Variants in LYPLAL1 observed in about 807,000 individuals in gnomAD.
LYPLAL1 encodes the protein lysophospholipase-like protein 1.
LYPLAL1 carries 23 observed loss-of-function variants against 19.7 expected under a neutral mutation model. That is an observed-to-expected ratio of 1.17 (90% CI 0.84 to 1.65). The LOEUF (loss-of-function observed/expected upper bound fraction) is 1.65, where lower values mean the gene tolerates loss of function less well. LYPLAL1 is among the 40% of genes most tolerant of loss of function. The pLI is 0.00. For synonymous variants in LYPLAL1, 119 were observed against 96.3 expected (o/e 1.24, Z -1.38); for missense variants, 355 against 279.4 (o/e 1.27, Z -1.93).
chr1:219,436,364 A>G, the LYPLAL1 span, among the ~76,000 whole-genome samples: 1 of 152,238 alleles, frequency 6.6e-6, no homozygotes, highest in Non-Finnish European at 1.5e-5. Flanking sequence ...TTGGTATAGA[A>G]ATAAATATAT....
chr1:219,320,320 C>T, the LYPLAL1 span, among the ~76,000 whole-genome samples: 3 of 151,998 alleles, frequency 2.0e-5, no homozygotes, highest in Admixed American at 6.6e-5. Context: ...AAAAAGGCGC[C>T]CTCAGAATCC....
At chr1:219,321,130 A>G in the LYPLAL1 span, among the ~76,000 whole-genome samples, 1 of 151,884 alleles carries the variant, frequency 6.6e-6, no homozygotes, top group South Asian at 2.1e-4. Context: ...AATGATTGCC[A>G]CTCTAACTGG....
At chr1:219,302,560 T>C in the LYPLAL1 span, among the ~76,000 whole-genome samples, 1 of 152,186 alleles carries the variant, frequency 6.6e-6, no homozygotes, top group Non-Finnish European at 1.5e-5. Flanking sequence ...CAAGTTTCCA[T>C]ATCTCTCTGA....
the LYPLAL1 span, among the ~76,000 whole-genome samples, chr1:219,269,708 G>A: frequency 2.6e-5 from 4 of 152,060 alleles, no homozygotes; most frequent in African/African-American, 9.7e-5. Context: ...TTTATTCCTA[G>A]AGATTTAAAT....
the LYPLAL1 span, among the ~76,000 whole-genome samples, chr1:219,241,132 CTCTA>C: frequency 1.2e-3 from 69 of 57,504 alleles, no homozygotes; most frequent in South Asian, 1.8e-3. Context: ...CTCTCTCTCT[CTCTA>C]TATATATATA....
chr1:219,314,476 G>A, the LYPLAL1 span, among the ~76,000 whole-genome samples: 31 of 151,612 alleles, frequency 2.0e-4, no homozygotes, highest in South Asian at 5.0e-3. Context: ...ATGGAGTTTC[G>A]CTCTGTCGCC....
At chr1:219,410,853 G>A in the LYPLAL1 span, among the ~76,000 whole-genome samples, 4 of 152,352 alleles carry the variant, frequency 2.6e-5, no homozygotes, top group South Asian at 2.1e-4. Context: ...CCGGCGCTGC[G>A]CTCGATTTCT....
chr1:219,252,380 T>C, the LYPLAL1 span, among the ~76,000 whole-genome samples: 146,885 of 152,152 alleles, frequency 0.97, 71,134 homozygotes, highest in East Asian at 1. Context: ...TGAAGACTTC[T>C]GGCTTTTGCC....
the LYPLAL1 span, among the ~76,000 whole-genome samples, chr1:219,314,075 A>G: frequency 2.6e-5 from 4 of 152,154 alleles, no homozygotes; most frequent in Non-Finnish European, 5.9e-5. Context: ...GAGAACATGC[A>G]GTATTTTGTT....
At chr1:219,436,708 C>T in the LYPLAL1 span, among the ~76,000 whole-genome samples, 3 of 152,108 alleles carry the variant, frequency 2.0e-5, no homozygotes, top group African/African-American at 7.2e-5. Context: ...CATGTGCACT[C>T]AAGTGGGCAG....
At chr1:219,257,868 C>T in the LYPLAL1 span, among the ~76,000 whole-genome samples, 1 of 151,934 alleles carries the variant, frequency 6.6e-6, no homozygotes, top group Non-Finnish European at 1.5e-5. Flanking sequence ...TGCAGGAGAC[C>T]AGGGCATATT....
chr1:219,370,743 A>G, the LYPLAL1 span, among the ~76,000 whole-genome samples: 1 of 152,172 alleles, frequency 6.6e-6, no homozygotes, highest in East Asian at 1.9e-4. Context: ...AGCTATATGG[A>G]GTTCAGAAAG....
the LYPLAL1 span, among the ~76,000 whole-genome samples, chr1:219,365,826 T>G: frequency 6.6e-6 from 1 of 152,150 alleles, no homozygotes; most frequent in African/African-American, 2.4e-5. Flanking sequence ...ACTGTTAGCT[T>G]TGTCTTTATG....
chr1:219,410,092 T>C, the LYPLAL1 span: 1 of 152,204 alleles, frequency 6.6e-6, no homozygotes, highest in African/African-American at 2.4e-5. Context: ...TTAAATGAGG[T>C]GAGCTCACCT....
At chr1:219,430,073 C>T in the LYPLAL1 span, among the ~76,000 whole-genome samples, 1 of 152,110 alleles carries the variant, frequency 6.6e-6, no homozygotes, top group African/African-American at 2.4e-5. Flanking sequence ...GCAGGCAGAT[C>T]GCTTGAACAC....
chr1:219,174,524 C>G (rs1305157800), intron 1 of LYPLAL1, among the ~76,000 whole-genome samples: 1 of 152,180 alleles, frequency 6.6e-6, no homozygotes, highest in Non-Finnish European at 1.5e-5. Flanking sequence ...TGCTGCTTCT[C>G]TTTCCTTCCT....
the LYPLAL1 span, among the ~76,000 whole-genome samples, chr1:219,319,717 A>G: frequency 6.6e-6 from 1 of 152,060 alleles, no homozygotes; most frequent in Non-Finnish European, 1.5e-5. Context: ...GGACTGTTCA[A>G]CTCTTTGTTT....
At chr1:219,436,063 C>A in the LYPLAL1 span, among the ~76,000 whole-genome samples, 1 of 152,314 alleles carries the variant, frequency 6.6e-6, no homozygotes, top group East Asian at 1.9e-4. Flanking sequence ...CACAGGAACA[C>A]ACTAGCCCGT....
chr1:219,223,644 A>G, the LYPLAL1 span, among the ~76,000 whole-genome samples: 2 of 152,108 alleles, frequency 1.3e-5, no homozygotes, highest in Non-Finnish European at 2.9e-5. Flanking sequence ...TGAATAGTGG[A>G]TGTTTTGTTC....
Sources: allele counts gnomAD v4.1 joint callset (sites outside exome capture counted in the v4.1 genomes callset), GRCh38; gene constraint gnomAD v4.1.1; transcripts MANE v1.5; gene names NCBI Gene and HGNC (gene_info 2026-07-23, HGNC 2026-07-21).